The following PCDHA10 variants were observed in gnomAD, a reference collection of about 807,000 sequenced individuals.
PCDHA10 encodes the protein protocadherin alpha-10.
A neutral mutation model predicts 61.2 loss-of-function variants in PCDHA10; 45 were observed. The observed-to-expected ratio is 0.74, with a 90% CI of 0.58 to 0.94. The LOEUF is 0.94. PCDHA10 is among the 40% of genes least tolerant of loss of function. The probability of loss-of-function intolerance (pLI) is 0.00; values close to 1 mark genes in which losing one functional copy is unlikely to be tolerated. For missense variants in PCDHA10, 1,278 were observed against 1,236.2 expected (o/e 1.03, Z -0.51); for synonymous variants, 602 against 548.8 (o/e 1.10, Z -1.35).
intron 1 of PCDHA10, among the ~76,000 whole-genome samples, chr5:140,952,160 G>C (rs952147312): frequency 6.6e-6 from 1 of 152,044 alleles, no homozygotes; most frequent in Non-Finnish European, 1.5e-5. Flanking sequence ...GGCTTTGTGG[G>C]GTTCAGTTCC....
At chr5:140,947,302 C>G (rs1390442873) in intron 1 of PCDHA10, among the ~76,000 whole-genome samples, 2 of 151,504 alleles carry the variant, frequency 1.3e-5, no homozygotes, top group Non-Finnish European at 3.0e-5. Flanking sequence ...ATCTTGACAT[C>G]TTTGTAAAAA....
chr5:140,877,063 C>T (rs782051698), intron 1 of PCDHA10: 21 of 1,612,898 alleles, frequency 1.3e-5, no homozygotes, highest in East Asian at 2.2e-5. Context: ...GCTGGAGCTG[C>T]TGCAGTTCCA....
intron 1 of PCDHA10, among the ~76,000 whole-genome samples, chr5:140,890,239 C>G (rs1398307605): frequency 6.6e-6 from 1 of 151,982 alleles, no homozygotes; most frequent in African/African-American, 2.4e-5. Context: ...AAGCATTTAC[C>G]AGTACACTAC....
rs1554165105 is a variant in PCDHA10 at position 140,871,093 on chromosome 5, G to A, written c.2388+12657G>A. 3 of 1,613,300 alleles carry A rather than the reference G, an allele frequency of 1.9e-6. No individual in the cohort carries two copies. Among genetic ancestry groups the A allele is most frequent in the East Asian group, 4.5e-5 (2 of 44,870 alleles). ...GCCGGCGCTGACGGCCACGGCCACC[G>A]TGCTGGTGTCGTTGGTGGAGAGCGG... On this transcript the variant is annotated intron_variant, in intron 1 of 3. Transcript: ENST00000307360.
intron 1 of PCDHA10, chr5:140,877,281 T>TA (rs782748230): frequency 8.7e-6 from 14 of 1,613,708 alleles, no homozygotes; most frequent in Non-Finnish European, 1.2e-5. Context: ...ACTCCGGCTA[T>TA]AACGCTTGGC....
chr5:140,991,075 G>A (rs2097430816), intron 3 of PCDHA10, among the ~76,000 whole-genome samples: 1 of 152,134 alleles, frequency 6.6e-6, no homozygotes, highest in Non-Finnish European at 1.5e-5. Flanking sequence ...CCATGTTTCA[G>A]ATAAAAAAAT....
intron 1 of PCDHA10, among the ~76,000 whole-genome samples, chr5:140,941,032 T>C (rs1321810263): frequency 6.6e-6 from 1 of 152,222 alleles, no homozygotes; most frequent in Non-Finnish European, 1.5e-5. Flanking sequence ...CTGGCCTTTT[T>C]GGTGCCAAGT....
chr5:140,967,451 G>A, intron 1 of PCDHA10: 2 of 1,613,628 alleles, frequency 1.2e-6, no homozygotes, highest in South Asian at 2.2e-5. Flanking sequence ...GGTTCTCACA[G>A]CCGTGGATGG....
chr5:140,863,116 G>A (rs1554157785), intron 1 of PCDHA10: 7 of 589,834 alleles, frequency 1.2e-5, no homozygotes, highest in African/African-American at 1.9e-5. Flanking sequence ...CGAGGCGAAA[G>A]CTACGCGCCA....
intron 1 of PCDHA10, chr5:140,875,805 C>A: frequency 6.2e-7 from 1 of 1,614,172 alleles, no homozygotes; most frequent in Non-Finnish European, 8.5e-7. Context: ...TGATCGTGGA[C>A]AGGCCGCTGC....
intron 1 of PCDHA10, among the ~76,000 whole-genome samples, chr5:140,892,783 T>C (rs1554185363): frequency 6.6e-6 from 1 of 152,168 alleles, no homozygotes; most frequent in African/African-American, 2.4e-5. Context: ...TTCTTGAAAA[T>C]ATGTAAGAAA....
rs539246204 is a variant in PCDHA10 at position 140,883,140 on chromosome 5, A to G, written c.2388+24704A>G. On this transcript the variant is annotated intron_variant, in intron 1 of 3. Coordinates refer to ENST00000307360, the MANE Select transcript of PCDHA10 (RefSeq NM_018901.4). The stretch of plus-strand genomic sequence containing the variant: ...AGGCCTGTATGGCCTGCAGTGGTAT[A>G]TGCATTTACCATAAATCCGAACAAT... 9 of 1,614,118 alleles carry G rather than the reference A, an allele frequency of 5.6e-6. No individual in the cohort carries two copies. The South Asian group carries it at 9.9e-5, about 18-fold the overall frequency.
At position 141,010,234 on chromosome 5, in the gene PCDHA10, T is replaced by C. The variant is rs1455330920; in HGVS notation, c.*297T>C. 1 of 1,551,824 alleles carries C rather than the reference T, an allele frequency of 6.4e-7. No individual in the cohort carries two copies. Among genetic ancestry groups the C allele is most frequent in the Non-Finnish European group, 8.7e-7 (1 of 1,147,042 alleles). On this transcript the variant is annotated 3_prime_UTR_variant, in exon 4 of 4. Transcript: ENST00000307360. ...AGGAGAGGCTTCCCAGCCCCGCCAG[T>C]GAGAGGTTGGACTCTCTGCCCTGTG...
intron 3 of PCDHA10, among the ~76,000 whole-genome samples, chr5:140,993,609 T>C (rs1554253871): frequency 6.6e-6 from 1 of 152,078 alleles, no homozygotes; most frequent in African/African-American, 2.4e-5. Flanking sequence ...GAGAATTTTG[T>C]TGGGACCCTC....
At chr5:140,924,732 T>TA (rs1333846222) in intron 1 of PCDHA10, among the ~76,000 whole-genome samples, 2 of 151,706 alleles carry the variant, frequency 1.3e-5, no homozygotes, top group African/African-American at 4.8e-5. Flanking sequence ...TCACCTCTAA[T>TA]AAAAATACAA....
chr5:140,982,483 A>G lies in PCDHA10; in HGVS notation c.2456A>G (p.His819Arg). Residue 819 changes from histidine (H) to arginine (R), a missense_variant, in exon 3 of 4, where the codon CAC (histidine) becomes CGC (arginine). His to Arg is a conservative substitution (Grantham distance 29, BLOSUM62 0). Transcript: ENST00000307360. ...SLRAGMHSSV[H>R]LEEAGILRAG... ...TCTGTGTGTTTATTCAGCTCTGTGC[A>G]CCTAGAGGAGGCTGGCATTCTACGG... The G allele has an allele frequency of 1.2e-6, 2 of 1,614,142 alleles. No homozygotes were observed. Among genetic ancestry groups the G allele is most frequent in the Non-Finnish European group, 1.7e-6 (2 of 1,180,016 alleles).
intron 1 of PCDHA10, among the ~76,000 whole-genome samples, chr5:140,949,279 A>T (rs2094358116): frequency 6.6e-6 from 1 of 151,848 alleles, no homozygotes; most frequent in African/African-American, 2.4e-5. Flanking sequence ...CTTGAAAAGA[A>T]TGTATATTCT....
At chr5:140,878,879 G>A (rs1315306611) in intron 1 of PCDHA10, among the ~76,000 whole-genome samples, 4 of 152,204 alleles carry the variant, frequency 2.6e-5, no homozygotes, top group Admixed American at 6.5e-5. Flanking sequence ...AGCCTTTCAA[G>A]TAGCTGAGAC....
At chr5:140,922,092 C>G (rs188826380) in intron 1 of PCDHA10, among the ~76,000 whole-genome samples, 2 of 152,184 alleles carry the variant, frequency 1.3e-5, no homozygotes. Context: ...GGTATTTCTA[C>G]CAACTATAGA....
Sources: gnomAD v4.1 joint callset for allele counts (sites outside exome capture counted in the v4.1 genomes callset) on GRCh38, gnomAD v4.1.1 for gene constraint, MANE v1.5 for transcripts, NCBI Gene and HGNC (gene_info 2026-07-23, HGNC 2026-07-21) for gene names.